Variants in NEO1 observed in about 807,000 individuals in gnomAD.
The protein encoded by NEO1 is neogenin 1.
NEO1 carries 63 observed loss-of-function variants against 159.7 expected under a neutral mutation model. The ratio of observed to expected loss-of-function variants is 0.39; its 90% CI spans 0.32 to 0.49. The LOEUF (loss-of-function observed/expected upper bound fraction) is 0.49. Ranked by LOEUF, NEO1 falls within the 20% of genes least tolerant of loss-of-function variation. NEO1 has a pLI of 0.85. For missense variants in NEO1, 1,615 were observed against 1,831.0 expected (o/e 0.88, Z 2.15); for synonymous variants, 633 against 662.0 (o/e 0.96, Z 0.67).
chr15:73,070,754 C>G (rs1391530352), intron 1 of NEO1, among the ~76,000 whole-genome samples: 1 of 152,048 alleles, frequency 6.6e-6, no homozygotes, highest in East Asian at 1.9e-4. Context: ...GACATATTGT[C>G]ATAAAAGTTA....
chr15:73,236,180 C>T, intron 7 of NEO1, 167 bp from the exon 8 acceptor site: 1 of 837,024 alleles, frequency 1.2e-6, no homozygotes, highest in Non-Finnish European at 1.8e-6. Flanking sequence ...ATTTTATTTC[C>T]CATCGTGGTT....
At chr15:73,117,889 C>G (rs542624153) in intron 2 of NEO1, among the ~76,000 whole-genome samples, 1 of 151,724 alleles carries the variant, frequency 6.6e-6, no homozygotes, top group African/African-American at 2.4e-5. Context: ...CCCTTCTACC[C>G]TCCCTTCCTT....
At chr15:73,052,342 C>A (rs889268424), upstream of NEO1, 15 of 144,774 alleles carry the variant, frequency 1.0e-4, no homozygotes, top group Admixed American at 1.0e-3. Context: ...TCTCCGCCCC[C>A]CTCGCGCTGG....
At chr15:73,248,454 T>G (rs1340601043) in intron 9 of NEO1, among the ~76,000 whole-genome samples, 1 of 152,226 alleles carries the variant, frequency 6.6e-6, no homozygotes, top group South Asian at 2.1e-4. Context: ...CACTTAACAC[T>G]GTCTTTTTGT....
intron 1 of NEO1, among the ~76,000 whole-genome samples, chr15:73,100,919 T>G (rs1277358967): frequency 6.6e-6 from 1 of 152,206 alleles, no homozygotes; most frequent in Non-Finnish European, 1.5e-5. Context: ...TCTCTCATCA[T>G]CAGCAGATGA....
intron 26 of NEO1, among the ~76,000 whole-genome samples, chr15:73,295,775 T>C (rs2042340616): frequency 6.6e-6 from 1 of 152,174 alleles, no homozygotes; most frequent in South Asian, 2.1e-4. Flanking sequence ...GCTTGGTATA[T>C]ATGGGCTAAG....
intron 9 of NEO1, among the ~76,000 whole-genome samples, chr15:73,245,320 G>A (rs1243627970): frequency 6.6e-6 from 1 of 152,074 alleles, no homozygotes; most frequent in East Asian, 1.9e-4. Context: ...ATCTCCTTGA[G>A]GCTTTATTTT....
Position 73,273,052 on chromosome 15 carries a change from C to T in NEO1, c.2965+490C>T, listed in dbSNP as rs1443179668. Reference sequence around the variant, plus strand: ...ACCTGCTACTTCAAGTACCTGTGCTCTTATAATTAGAGTTAAAAGTGAACT... The same window carrying T: ...ACCTGCTACTTCAAGTACCTGTGCTTTTATAATTAGAGTTAAAAGTGAACT... On this transcript the variant is annotated intron_variant, in intron 19 of 28. Transcript: ENST00000261908. Among the ~76,000 whole-genome samples the T allele has an allele frequency of 2.7e-5, 4 of 146,948 alleles. No individual in the cohort carries two copies. The East Asian group carries it at 8.1e-4, about 30-fold the overall frequency.
chr15:73,277,641 A>G (rs991729135), intron 21 of NEO1, among the ~76,000 whole-genome samples: 1 of 152,182 alleles, frequency 6.6e-6, no homozygotes, highest in Non-Finnish European at 1.5e-5. Flanking sequence ...TCAGAAGGAC[A>G]ACTTTGTAAT....
intron 7 of NEO1, among the ~76,000 whole-genome samples, chr15:73,230,615 CAG>C (rs2038855171): frequency 1.3e-5 from 2 of 152,134 alleles, no homozygotes; most frequent in Non-Finnish European, 2.9e-5. Context: ...GTTTTTGAGG[CAG>C]AGTCTCACAA....
At chr15:73,215,529 T>C (rs1271977015) in intron 7 of NEO1, among the ~76,000 whole-genome samples, 1 of 152,228 alleles carries the variant, frequency 6.6e-6, no homozygotes, top group African/African-American at 2.4e-5. Flanking sequence ...TCTGCATCTA[T>C]TGAGAAGATC....
chr15:73,095,665 CTTTA>C (rs1332663125), intron 1 of NEO1, among the ~76,000 whole-genome samples: 4 of 115,766 alleles, frequency 3.5e-5, no homozygotes, highest in Admixed American at 9.5e-5. Flanking sequence ...ACCAATTAGT[CTTTA>C]TTTGTTTTTT....
intron 23 of NEO1, among the ~76,000 whole-genome samples, chr15:73,286,045 A>C (rs2041931646): frequency 6.6e-6 from 1 of 151,802 alleles, no homozygotes; most frequent in Non-Finnish European, 1.5e-5. Flanking sequence ...TTCCAGCTTA[A>C]GGAATAATTA....
intron 1 of NEO1, among the ~76,000 whole-genome samples, chr15:73,115,036 A>G (rs924467581): frequency 1.3e-5 from 2 of 152,118 alleles, no homozygotes; most frequent in African/African-American, 2.4e-5. Context: ...TTAAATGGGC[A>G]TAGAGACCTG....
At chr15:73,264,405 G>A (rs1272573971) in intron 15 of NEO1, among the ~76,000 whole-genome samples, 1 of 152,182 alleles carries the variant, frequency 6.6e-6, no homozygotes, top group Non-Finnish European at 1.5e-5. Flanking sequence ...ACACAGTAGA[G>A]CAGTCAGGGA....
chr15:73,176,707 C>A, intron 6 of NEO1, 150 bp downstream of exon 6: 1 of 562,014 alleles, frequency 1.8e-6, no homozygotes, highest in Non-Finnish European at 2.8e-6. Context: ...CCTTCATTGG[C>A]TGATGAGAAA....
In NEO1 at chr15:73,072,250, C is replaced by T. The variant is rs148669470; in HGVS notation, c.130+19445C>T. Among the ~76,000 whole-genome samples the T allele has an allele frequency of 6.1e-5, 8 of 130,942 alleles. No individual in the cohort carries two copies. In the East Asian group the frequency reaches 1.6e-3, roughly 25 times the overall value. The allele number at this position is 130,942 out of a possible 152,430, so 85.9% of individuals were successfully genotyped here. Reference sequence around the variant, plus strand: ...ACAGGTGTGAGCCACCGTGCCCAGCCAGCTTTTAATTTTTTTTTTTTAACT... The same window carrying T: ...ACAGGTGTGAGCCACCGTGCCCAGCTAGCTTTTAATTTTTTTTTTTTAACT... On this transcript the variant is annotated intron_variant, in intron 1 of 28. Transcript: ENST00000261908.
chr15:73,076,233 A>G (rs1199912903), intron 1 of NEO1, among the ~76,000 whole-genome samples: 1 of 152,190 alleles, frequency 6.6e-6, no homozygotes, highest in East Asian at 1.9e-4. Flanking sequence ...TTTTATTAAT[A>G]GCAATATGGG....
At chr15:73,183,854 A>G (rs994570928) in intron 7 of NEO1, among the ~76,000 whole-genome samples, 4 of 152,212 alleles carry the variant, frequency 2.6e-5, no homozygotes, top group African/African-American at 7.2e-5. Context: ...TAAGGTAACT[A>G]TAACAATAAA....
Sources: gnomAD v4.1 joint callset for allele counts (sites outside exome capture counted in the v4.1 genomes callset) on GRCh38, gnomAD v4.1.1 for gene constraint, MANE v1.5 for transcripts, NCBI Gene and HGNC (gene_info 2026-07-23, HGNC 2026-07-21) for gene names.